CYSLTR2: variants seen among roughly 807,000 people sequenced by gnomAD.
CYSLTR2 encodes the protein G-protein coupled receptor GPCR21.
For synonymous variants in CYSLTR2, 179 were observed against 160.8 expected, an observed-to-expected ratio of 1.11 and a Z score of -0.86; for missense variants, 398 against 411.9, an observed-to-expected ratio of 0.97 and a Z score of 0.29.
chr13:48,693,057 A>G (rs1004059013), intron 2 of CYSLTR2, among the ~76,000 whole-genome samples: 2 of 151,774 alleles, frequency 1.3e-5, no homozygotes, highest in Non-Finnish European at 2.9e-5. Context: ...TAAGAATTTT[A>G]TAAAAATTAT....
At chr13:48,670,712 T>A (rs1027871174) in intron 1 of CYSLTR2, among the ~76,000 whole-genome samples, 55 of 152,086 alleles carry the variant, frequency 3.6e-4, no homozygotes, top group African/African-American at 1.2e-3. Flanking sequence ...CAGATAGTGT[T>A]ATGCCTCCAG....
In CYSLTR2 at chr13:48,706,837, C is replaced by T. The variant is rs1954501813; in HGVS notation, c.20C>T (p.Ser7Phe). The change falls in exon 5 of 5, where the codon TCC (serine) becomes TTC (phenylalanine). Residue 7 changes from serine (S) to phenylalanine (F), a missense_variant. Coordinates refer to ENST00000682523, the MANE Select transcript of CYSLTR2 (RefSeq NM_001308476.3). ...CCCAGCATGGAGAGAAAATTTATGT[C>T]CTTGCAACCATCCATCTCCGTATCA... is the stretch of plus-strand genomic sequence containing the variant. MERKFM[S>F]LQPSISVSEM... 3 of 1,612,644 alleles carry T rather than the reference C, an allele frequency of 1.9e-6. No individual in the cohort carries two copies. The highest frequency in any genetic ancestry group is 2.5e-6 in the Non-Finnish European group (3 of 1,179,084).
At chr13:48,697,625 G>A (rs1166920316) in intron 4 of CYSLTR2, among the ~76,000 whole-genome samples, 1 of 152,228 alleles carries the variant, frequency 6.6e-6, no homozygotes, top group Non-Finnish European at 1.5e-5. Context: ...AAGGAATGCA[G>A]CTCCTTGCCA....
intron 1 of CYSLTR2, among the ~76,000 whole-genome samples, chr13:48,685,792 T>C (rs917016001): frequency 2.0e-5 from 3 of 152,136 alleles, no homozygotes; most frequent in African/African-American, 7.2e-5. Flanking sequence ...TTCCCCCAAG[T>C]CTGATTATGC....
chr13:48,664,298 T>C (rs922717946), intron 1 of CYSLTR2, among the ~76,000 whole-genome samples: 7 of 152,030 alleles, frequency 4.6e-5, no homozygotes, highest in Non-Finnish European at 8.8e-5. Flanking sequence ...GTTGTTGTTG[T>C]TATGTCCCTA....
chr13:48,662,122 G>C (rs1479953139), intron 1 of CYSLTR2, among the ~76,000 whole-genome samples: 1 of 152,058 alleles, frequency 6.6e-6, no homozygotes, highest in African/African-American at 2.4e-5. Flanking sequence ...TTCTGGTTTA[G>C]GAAATACAAT....
At chr13:48,677,473 G>T (rs1314803796) in intron 1 of CYSLTR2, among the ~76,000 whole-genome samples, 1 of 152,252 alleles carries the variant, frequency 6.6e-6, no homozygotes, top group East Asian at 1.9e-4. Flanking sequence ...GAGAGCAAAG[G>T]TTACACAGCT....
chr13:48,694,019 C>T (rs1042636068), intron 3 of CYSLTR2, among the ~76,000 whole-genome samples: 2 of 152,108 alleles, frequency 1.3e-5, no homozygotes, highest in Admixed American at 1.3e-4. Flanking sequence ...CTCAAAGAAA[C>T]AGGTATCTGG....
intron 1 of CYSLTR2, among the ~76,000 whole-genome samples, chr13:48,683,694 C>A (rs1186936071): frequency 6.6e-6 from 1 of 152,076 alleles, no homozygotes; most frequent in Non-Finnish European, 1.5e-5. Context: ...TCTGTTTACT[C>A]TGTTGATAGT....
intron 4 of CYSLTR2, among the ~76,000 whole-genome samples, chr13:48,704,101 A>ATT (rs1457155205): frequency 6.6e-6 from 1 of 152,154 alleles, no homozygotes; most frequent in Non-Finnish European, 1.5e-5. Context: ...GACAATGGAA[A>ATT]TTTATGTCTG....
Position 48,707,107 on chromosome 13 carries a change from A to G in CYSLTR2, c.290A>G (p.Tyr97Cys). 10 of 1,614,086 alleles carry G rather than the reference A, an allele frequency of 6.2e-6. No individual in the cohort carries two copies. The highest frequency in any genetic ancestry group is 8.5e-6 in the Non-Finnish European group (10 of 1,180,016). ...AGCACGCTTCCCTTCAGGGCTGACT[A>G]TTATCTTAGAGGCTCCAATTGGATA... The part of the protein sequence containing the change: ...FISTLPFRAD[Y>C]YLRGSNWIFG... The change falls in exon 5 of 5, where the codon TAT becomes TGT. Residue 97 changes from tyrosine to cysteine, a missense_variant. By Grantham distance (194) the Tyr-to-Cys change is radical. Transcript: ENST00000682523.
At chr13:48,688,296 T>C (rs75284133) in intron 1 of CYSLTR2, among the ~76,000 whole-genome samples, 4,426 of 152,264 alleles carry the variant, frequency 0.029, 208 homozygotes, top group African/African-American at 0.1. Flanking sequence ...TTTTAAGTTA[T>C]GGGCTACATG....
At chr13:48,687,398 TTG>T (rs1441033685) in intron 1 of CYSLTR2, among the ~76,000 whole-genome samples, 1 of 151,222 alleles carries the variant, frequency 6.6e-6, no homozygotes, top group African/African-American at 2.4e-5. Flanking sequence ...TAGATGATAA[TTG>T]GTAGATTATC....
intron 1 of CYSLTR2, among the ~76,000 whole-genome samples, chr13:48,672,634 T>G (rs1189875031): frequency 8.1e-6 from 1 of 123,716 alleles, no homozygotes; most frequent in African/African-American, 3.8e-5. Context: ...TTTTTTTTTT[T>G]TGAGACAGAA....
At position 48,661,897 on chromosome 13, in the gene CYSLTR2, T is replaced by C. The variant is rs531826631; in HGVS notation, c.-266+7880T>C. On this transcript the variant is annotated intron_variant, in intron 1 of 4. Coordinates refer to ENST00000682523, the MANE Select transcript of CYSLTR2 (RefSeq NM_001308476.3). ...CTTTGAACTAGTTGAAACTATTTAA[T>C]ACATTATTGTTAATTAGAGCCATCT... Among the ~76,000 whole-genome samples the C allele has an allele frequency of 5.9e-5, 9 of 152,324 alleles. No homozygotes were observed. The South Asian group carries it at 1.0e-3, about 18-fold the overall frequency.
intron 1 of CYSLTR2, among the ~76,000 whole-genome samples, chr13:48,688,460 G>A (rs545440596): frequency 7.2e-5 from 11 of 152,074 alleles, no homozygotes; most frequent in Admixed American, 1.3e-4. Flanking sequence ...CCCTGTGTCC[G>A]TGTGTTCTCA....
At chr13:48,694,486 A>G (rs1315664536) in intron 3 of CYSLTR2, among the ~76,000 whole-genome samples, 5 of 152,152 alleles carry the variant, frequency 3.3e-5, no homozygotes, top group African/African-American at 1.2e-4. Context: ...GACTAGAAAG[A>G]CTCCAAGGAT....
At chr13:48,671,121 T>G (rs1357005493) in intron 1 of CYSLTR2, among the ~76,000 whole-genome samples, 1 of 152,242 alleles carries the variant, frequency 6.6e-6, no homozygotes, top group Non-Finnish European at 1.5e-5. Context: ...TTTTTGCACA[T>G]TGATTTGTTT....
In CYSLTR2 at chr13:48,708,733, G is replaced by A. The variant is rs1474530779; in HGVS notation, c.*875G>A. 1 of 167,018 alleles carries A rather than the reference G, an allele frequency of 6.0e-6. No individual in the cohort carries two copies. Among genetic ancestry groups the A allele is most frequent in the Non-Finnish European group, 1.5e-5 (1 of 68,104 alleles). The allele number at this position is 167,018 out of a possible 1,614,324, so 10.3% of individuals were successfully genotyped here. On this transcript the variant is annotated 3_prime_UTR_variant, in exon 5 of 5. Transcript: ENST00000682523. ...AGAGGTGCCTCTGAGGATTAGGGTTGAGCACTCAAGGGAAAGATGGAGTAG... is the reference window on the plus strand; with the variant it reads ...AGAGGTGCCTCTGAGGATTAGGGTTAAGCACTCAAGGGAAAGATGGAGTAG...
Sources: allele counts gnomAD v4.1 joint callset (sites outside exome capture counted in the v4.1 genomes callset), GRCh38; gene constraint gnomAD v4.1.1; transcripts MANE v1.5; gene names NCBI Gene and HGNC (gene_info 2026-07-23, HGNC 2026-07-21).